CCDC198: variants seen among roughly 807,000 people sequenced by gnomAD.
The protein encoded by CCDC198 is factor associated with metabolism and energy.
In CCDC198, 18 loss-of-function variants were observed where a neutral mutation model predicts 35.6. The ratio of observed to expected loss-of-function variants is 0.51; its 90% CI spans 0.35 to 0.75. The LOEUF (loss-of-function observed/expected upper bound fraction) is 0.75. CCDC198 is among the 30% of genes least tolerant of loss of function. The pLI is 0.01. For missense variants in CCDC198, 365 were observed against 343.7 expected (o/e 1.06, Z -0.49); for synonymous variants, 119 against 113.4 (o/e 1.05, Z -0.31).
In CCDC198 at chr14:57,483,272, C is replaced by A; in HGVS notation, c.307-121G>T. 2 of 1,441,958 alleles carry A rather than the reference C, an allele frequency of 1.4e-6. 1 individual carries two copies. Among genetic ancestry groups the A allele is most frequent in the Non-Finnish European group, 1.9e-6 (2 of 1,056,920 alleles). 89.3% of individuals were successfully genotyped at this position (1,441,958 alleles called of 1,614,324 possible). A position where few individuals can be genotyped will look rare whatever the true frequency, so the allele number is the denominator to read the frequency against. ...AGCGGCACTTATTTCTGAGAGCATA[C>A]AGGAAAGGTGATTCTAACAGCATTA... On this transcript the variant is annotated intron_variant, in intron 2 of 5. Coordinates refer to ENST00000216445, the MANE Select transcript of CCDC198 (RefSeq NM_018168.4).
At chr14:57,477,780 C>T (rs894462141) in intron 5 of CCDC198, among the ~76,000 whole-genome samples, 1 of 152,138 alleles carries the variant, frequency 6.6e-6, no homozygotes, top group Non-Finnish European at 1.5e-5. Flanking sequence ...TCACTGCAAC[C>T]TCTGCTTACT....
rs1290811343 is a variant in CCDC198 at position 57,493,581 on chromosome 14, A to G, written c.135T>C (p.Tyr45=). 1.2e-6 allele frequency: 2 copies of G among 1,614,012 alleles called. No homozygotes were observed. The highest frequency in any genetic ancestry group is 1.7e-6 in the Non-Finnish European group (2 of 1,179,938). Residue 45 remains tyrosine, a synonymous_variant, in exon 1 of 6, where the codon TAT becomes TAC. Transcript: ENST00000216445. ...FNQNLEEKTS[Y]SLARLQDQNK... is the part of the protein sequence containing the mutation. ...TCTGGTCCTGCAGTCTTGCCAGTGAATATGAAGTCTTTTCTTCCAAATTCT... is the reference window on the plus strand; with the variant it reads ...TCTGGTCCTGCAGTCTTGCCAGTGAGTATGAAGTCTTTTCTTCCAAATTCT...
At chr14:57,475,788 CTTTTTTTTTTTTTTTTTTTT>C (rs548486752) in intron 5 of CCDC198, 5 of 108,836 alleles carry the variant, frequency 4.6e-5, no homozygotes, top group Admixed American at 3.9e-4. Flanking sequence ...CACTTAGCTT[CTTTTTTTTTTTTTTTTTTTT>C]TTTTTTTTTT....
intron 3 of CCDC198, among the ~76,000 whole-genome samples, chr14:57,482,808 A>G (rs1594801138): frequency 6.6e-6 from 1 of 152,330 alleles, no homozygotes; most frequent in Non-Finnish European, 1.5e-5. Context: ...TCTCATCTAC[A>G]TTGCCCTGGT....
chr14:57,485,421 C>A (rs2067328340), intron 2 of CCDC198, among the ~76,000 whole-genome samples: 1 of 152,038 alleles, frequency 6.6e-6, no homozygotes, highest in African/African-American at 2.4e-5. Flanking sequence ...GAGTGTGAGC[C>A]CTACTCCCAC....
At chr14:57,489,935 T>C (rs2067503131) in intron 2 of CCDC198, among the ~76,000 whole-genome samples, 1 of 152,274 alleles carries the variant, frequency 6.6e-6, no homozygotes, top group Non-Finnish European at 1.5e-5. Context: ...AAATTAGATA[T>C]TAATTTGTTA....
chr14:57,478,389 T>C, intron 5 of CCDC198: 5 of 850,810 alleles, frequency 5.9e-6, no homozygotes, highest in Non-Finnish European at 7.1e-6. Flanking sequence ...TTCTAGGTTG[T>C]GTGAGAATTA....
chr14:57,486,224 G>A (rs944913460), intron 2 of CCDC198, among the ~76,000 whole-genome samples: 1 of 152,160 alleles, frequency 6.6e-6, no homozygotes, highest in Non-Finnish European at 1.5e-5. Context: ...AGGCCTATAT[G>A]CCTTCGCAGC....
intron 2 of CCDC198, 39 bp downstream of exon 2, chr14:57,490,950 C>A: frequency 6.8e-7 from 1 of 1,480,206 alleles, no homozygotes; most frequent in Non-Finnish European, 9.4e-7. Flanking sequence ...ACCATTTTAT[C>A]CAAGAAATTC....
At chr14:57,489,631 G>C (rs1473850281) in intron 2 of CCDC198, among the ~76,000 whole-genome samples, 1 of 152,042 alleles carries the variant, frequency 6.6e-6, no homozygotes, top group African/African-American at 2.4e-5. Context: ...TGGGGGTGGT[G>C]GTGCAGTGTT....
chr14:57,484,611 T>C (rs531882254), intron 2 of CCDC198, among the ~76,000 whole-genome samples: 8 of 152,312 alleles, frequency 5.3e-5, no homozygotes, highest in African/African-American at 1.9e-4. Context: ...AGTTGTGCCA[T>C]AGCCCTGAGG....
rs953042432 is a variant in CCDC198 at position 57,470,693 on chromosome 14, A to G, written c.*662T>C. Reference sequence around the variant, plus strand: ...TTTTTAAAAACATGGTGAGGTGGCAAATGTCAAAGATGAACCCCAAAGGAC... The same window carrying G: ...TTTTTAAAAACATGGTGAGGTGGCAGATGTCAAAGATGAACCCCAAAGGAC... On this transcript the variant is annotated 3_prime_UTR_variant, in exon 6 of 6. Coordinates refer to ENST00000216445, the MANE Select transcript of CCDC198 (RefSeq NM_018168.4). 6.6e-6 allele frequency: 1 copy of G among 152,266 alleles called. No individual in the cohort carries two copies. Among genetic ancestry groups the G allele is most frequent in the Non-Finnish European group, 1.5e-5 (1 of 68,064 alleles). 9.4% of individuals were successfully genotyped at this position (152,266 alleles called of 1,614,324 possible). A position where few individuals can be genotyped will look rare whatever the true frequency, so the allele number is the denominator to read the frequency against.
At chr14:57,485,573 C>T (rs892322021) in intron 2 of CCDC198, among the ~76,000 whole-genome samples, 7 of 152,162 alleles carry the variant, frequency 4.6e-5, no homozygotes, top group South Asian at 2.1e-4. Flanking sequence ...AGTGGAACCA[C>T]GGAAGATAGA....
At chr14:57,484,551 G>A (rs1270105885) in intron 2 of CCDC198, among the ~76,000 whole-genome samples, 1 of 152,208 alleles carries the variant, frequency 6.6e-6, no homozygotes, top group African/African-American at 2.4e-5. Flanking sequence ...GTGCCTTAAG[G>A]TAGTACCTTT....
At chr14:57,491,928 A>T (rs1435328565) in intron 1 of CCDC198, among the ~76,000 whole-genome samples, 1 of 152,084 alleles carries the variant, frequency 6.6e-6, no homozygotes, top group Non-Finnish European at 1.5e-5. Flanking sequence ...CACTTCAAGG[A>T]CTTTGTTCTC....
rs560490097 is a variant in CCDC198 at position 57,470,797 on chromosome 14, C to T, written c.*558G>A. 1.3e-5 allele frequency: 2 copies of T among 152,698 alleles called. No individual in the cohort carries two copies. Among genetic ancestry groups the T allele is most frequent in the East Asian group, 1.9e-4 (1 of 5,190 alleles). The allele number at this position is 152,698 out of a possible 1,614,324, so 9.5% of individuals were successfully genotyped here. On this transcript the variant is annotated 3_prime_UTR_variant, in exon 6 of 6. Coordinates refer to ENST00000216445, the MANE Select transcript of CCDC198 (RefSeq NM_018168.4). ...TGGTCTATGACTTTAACCAACAGAA[C>T]ATGGTGGAAGTGATGCAAAGTCAGT...
rs138711664 is a variant in CCDC198 at position 57,477,486 on chromosome 14, T to TCACA, written c.655+3105_655+3108dup. On this transcript the variant is annotated intron_variant, in intron 5 of 5. Coordinates refer to ENST00000216445, the MANE Select transcript of CCDC198 (RefSeq NM_018168.4). ...CTAGGCTCATTTTGTCACGTGTATC[T>TCACA]CACACACACACACACACACGTACAG... 6.7e-3 allele frequency among the ~76,000 whole-genome samples: 1,010 copies of TCACA among 150,972 alleles called. 5 individuals carry two copies. Among genetic ancestry groups the TCACA allele is most frequent in the African/African-American group, 0.011 (435 of 41,146 alleles).
In CCDC198 at chr14:57,478,823, G is replaced by A. The variant is rs537217701; in HGVS notation, c.655+1772C>T. The A allele has an allele frequency of 5.5e-5, 61 of 1,109,188 alleles. No homozygotes were observed. The South Asian group carries it at 7.2e-4, about 13-fold the overall frequency. The allele number at this position is 1,109,188 out of a possible 1,614,324, so 68.7% of individuals were successfully genotyped here. A position where few individuals can be genotyped will look rare whatever the true frequency, so the allele number is the denominator to read the frequency against. Reference sequence around the variant, plus strand: ...TTCTTATTTAATTAACTTATTGATCGAGCGTCTTGTTTCTCCAAGTAGGAG... The same window carrying A: ...TTCTTATTTAATTAACTTATTGATCAAGCGTCTTGTTTCTCCAAGTAGGAG... On this transcript the variant is annotated intron_variant, in intron 5 of 5. Transcript: ENST00000216445.
In CCDC198 at chr14:57,471,571, T is replaced by G. The variant is rs777948627; in HGVS notation, c.675A>C (p.Glu225Asp). Residue 225 changes from glutamate (E) to aspartate (D), a missense_variant, in exon 6 of 6, where the codon GAA becomes GAC. Physicochemically the swap from Glu to Asp is conservative, Grantham distance 45. Coordinates refer to ENST00000216445, the MANE Select transcript of CCDC198 (RefSeq NM_018168.4). ...TATTCACTGCTTGATGTTTCAAAAA[T>G]TCTGTATTCTTTGAATTTCCTACAA... is the stretch of plus-strand genomic sequence containing the variant. ...NRGPGNSKNT[E>D]FLKHQAVNNY... The G allele has an allele frequency of 3.2e-6, 5 of 1,582,076 alleles. No individual in the cohort carries two copies. The Admixed American group carries it at 9.4e-5, about 30-fold the overall frequency.
Sources: allele counts gnomAD v4.1 joint callset (sites outside exome capture counted in the v4.1 genomes callset), GRCh38; gene constraint gnomAD v4.1.1; transcripts MANE v1.5; gene names NCBI Gene and HGNC (gene_info 2026-07-23, HGNC 2026-07-21).